Variants in SMIM36 observed in about 807,000 individuals in gnomAD.
SMIM36 encodes small integral membrane protein 36.
intron 1 of SMIM36, among the ~76,000 whole-genome samples, chr17:55,501,963 G>T (rs1283492660): frequency 6.7e-6 from 1 of 148,716 alleles, no homozygotes; most frequent in South Asian, 2.2e-4. Flanking sequence ...AAGGGGTGAC[G>T]GACGCACCTG....
intron 1 of SMIM36, among the ~76,000 whole-genome samples, chr17:55,501,908 C>T (rs984947877): frequency 6.9e-6 from 1 of 145,030 alleles, no homozygotes; most frequent in African/African-American, 2.6e-5. Context: ...ATTGCCTCAC[C>T]TGGGAAGCGC....
At chr17:55,529,702 G>A in the SMIM36 span, among the ~76,000 whole-genome samples, 5 of 152,046 alleles carry the variant, frequency 3.3e-5, no homozygotes, top group Non-Finnish European at 5.9e-5. Context: ...TGAGGAGGGA[G>A]GATCACTTGA....
chr17:55,479,452 G>T lies in SMIM36; in HGVS notation c.*295+8C>A, dbSNP rs921124337. The T allele has an allele frequency of 1.3e-5, 2 of 152,222 alleles. No individual in the cohort carries two copies. The highest frequency in any genetic ancestry group is 4.8e-5 in the African/African-American group (2 of 41,422). 9.4% of individuals were successfully genotyped at this position (152,222 alleles called of 1,614,324 possible). Reference sequence around the variant, plus strand: ...ATACAAAAAGTAGGTGGGTGTGGTGGTACATGCCTGTAATCCCAGCTACTC... The same window carrying T: ...ATACAAAAAGTAGGTGGGTGTGGTGTTACATGCCTGTAATCCCAGCTACTC... On this transcript the variant is annotated splice_region_variant and intron_variant, in intron 2 of 4. Transcript: ENST00000636752.
Position 55,493,197 on chromosome 17 carries a change from T to C in SMIM36, c.*175-13617A>G, listed in dbSNP as rs547439696. 6.4e-4 allele frequency among the ~76,000 whole-genome samples: 98 copies of C among 152,176 alleles called. 1 individual carries two copies. Among genetic ancestry groups the C allele is most frequent in the South Asian group, 1.0e-3 (5 of 4,812 alleles). On this transcript the variant is annotated intron_variant, in intron 1 of 4. Coordinates refer to ENST00000636752, the Ensembl canonical transcript of SMIM36. ...TCATTCAGGGAGGTCAGGTTGGAAA[T>C]GAGAGGAAAGATCAGAAACAAAGAA...
At chr17:55,519,907 AT>A in the SMIM36 span, among the ~76,000 whole-genome samples, 1 of 152,182 alleles carries the variant, frequency 6.6e-6, no homozygotes, top group Non-Finnish European at 1.5e-5. Flanking sequence ...GGGTATATAA[AT>A]TTTTTGTGGT....
chr17:55,481,492 A>G (rs1909519587), intron 1 of SMIM36, among the ~76,000 whole-genome samples: 1 of 152,166 alleles, frequency 6.6e-6, no homozygotes, highest in Non-Finnish European at 1.5e-5. Context: ...CAATGCTGTG[A>G]TATTGCACGG....
At chr17:55,478,113 G>A (rs538034342) in intron 3 of SMIM36, among the ~76,000 whole-genome samples, 1 of 152,152 alleles carries the variant, frequency 6.6e-6, no homozygotes, top group Admixed American at 6.5e-5. Context: ...AATCTCAGAG[G>A]TTGAGGTTGC....
In SMIM36 at chr17:55,453,781, A is replaced by C. The variant is rs552391342; in HGVS notation, c.*532-3483T>G. Among the ~76,000 whole-genome samples, 86 of 152,364 alleles carry C rather than the reference A, an allele frequency of 5.6e-4. 1 individual carries two copies. The highest frequency in any genetic ancestry group is 2.0e-3 in the African/African-American group (85 of 41,590). On this transcript the variant is annotated intron_variant, in intron 4 of 4. Transcript: ENST00000636752. ...TAATGGGAGATTCCCAGGTTTTAAC[A>C]GTAAAATAGATATTTAGAGTAGTTG...
intron 1 of SMIM36, among the ~76,000 whole-genome samples, chr17:55,501,487 A>G (rs1186896029): frequency 1.9e-5 from 2 of 102,762 alleles, no homozygotes; most frequent in East Asian, 4.9e-4. Context: ...ATTATTATAT[A>G]TAATATAATA....
At chr17:55,496,555 A>T (rs1909810599) in intron 1 of SMIM36, among the ~76,000 whole-genome samples, 1 of 152,208 alleles carries the variant, frequency 6.6e-6, no homozygotes, top group East Asian at 1.9e-4. Flanking sequence ...GGTAGATAAT[A>T]AGTGATCTCA....
At chr17:55,525,383 C>T in the SMIM36 span, among the ~76,000 whole-genome samples, 68 of 152,188 alleles carry the variant, frequency 4.5e-4, no homozygotes, top group Middle Eastern at 0.01. Context: ...ACCTAAAATC[C>T]ATCTTTAATA....
At chr17:55,494,602 T>C (rs1028113182) in intron 1 of SMIM36, among the ~76,000 whole-genome samples, 22 of 152,164 alleles carry the variant, frequency 1.4e-4, no homozygotes, top group African/African-American at 5.3e-4. Flanking sequence ...ATAATGTACA[T>C]ATAATTTATA....
chr17:55,520,107 T>C, the SMIM36 span, among the ~76,000 whole-genome samples: 1 of 152,210 alleles, frequency 6.6e-6, no homozygotes, highest in Non-Finnish European at 1.5e-5. Flanking sequence ...ACTGGTATTG[T>C]GGTCGTATCA....
At chr17:55,459,744 C>A (rs966736528) in intron 4 of SMIM36, among the ~76,000 whole-genome samples, 1 of 152,200 alleles carries the variant, frequency 6.6e-6, no homozygotes. Flanking sequence ...CAACTGTAAT[C>A]GGAGCACTTT....
At chr17:55,515,351 C>A (rs1910256931), upstream of SMIM36, among the ~76,000 whole-genome samples, 1 of 152,078 alleles carries the variant, frequency 6.6e-6, no homozygotes, top group Non-Finnish European at 1.5e-5. Flanking sequence ...CCTCACCTGG[C>A]AGCCTCTGGA....
At chr17:55,466,566 T>C (rs940304036) in intron 4 of SMIM36, among the ~76,000 whole-genome samples, 8 of 152,254 alleles carry the variant, frequency 5.3e-5, no homozygotes, top group Admixed American at 2.6e-4. Flanking sequence ...CTTGGAGTTC[T>C]CAAGCACAGA....
chr17:55,460,561 TA>T (rs1909129325), intron 4 of SMIM36, among the ~76,000 whole-genome samples: 1 of 151,796 alleles, frequency 6.6e-6, no homozygotes, highest in East Asian at 1.9e-4. Flanking sequence ...TACGTAAATT[TA>T]AAACATATAA....
At chr17:55,513,230 G>A (rs548574158), upstream of SMIM36, among the ~76,000 whole-genome samples, 2 of 152,232 alleles carry the variant, frequency 1.3e-5, no homozygotes, top group South Asian at 2.1e-4. Context: ...TCTGCAACCA[G>A]GATGGAGAAT....
the SMIM36 span, among the ~76,000 whole-genome samples, chr17:55,524,692 T>G: frequency 0.34 from 51,801 of 151,934 alleles, 8,963 homozygotes; most frequent in East Asian, 0.51. Flanking sequence ...AGGGTCCAGT[T>G]GTTTCAGGAA....
Sources: gnomAD v4.1 joint callset for allele counts (sites outside exome capture counted in the v4.1 genomes callset) on GRCh38, gnomAD v4.1.1 for gene constraint, MANE v1.5 for transcripts, NCBI Gene and HGNC (gene_info 2026-07-23, HGNC 2026-07-21) for gene names.